Variants in CNTNAP5 observed in about 807,000 individuals in gnomAD.
The protein encoded by CNTNAP5 is contactin-associated protein-like 5.
CNTNAP5 carries 72 observed loss-of-function variants against 150.2 expected under a neutral mutation model. That is an observed-to-expected ratio of 0.48 (90% CI 0.40 to 0.58). The LOEUF (loss-of-function observed/expected upper bound fraction) is 0.58. CNTNAP5 is among the 20% of genes least tolerant of loss of function. The pLI is 0.00. For synonymous variants in CNTNAP5, 672 were observed against 619.8 expected, an observed-to-expected ratio of 1.08 and a Z score of -1.25; for missense variants, 1,636 against 1,626.2, an observed-to-expected ratio of 1.01 and a Z score of -0.10.
intron 1 of CNTNAP5, among the ~76,000 whole-genome samples, chr2:124,070,051 T>G (rs1441471158): frequency 2.6e-5 from 4 of 152,108 alleles, no homozygotes; most frequent in Non-Finnish European, 5.9e-5. Flanking sequence ...GTGGGTAAAG[T>G]TAAAATGCTC....
At chr2:124,198,651 T>G (rs1041524960) in intron 1 of CNTNAP5, among the ~76,000 whole-genome samples, 1 of 152,144 alleles carries the variant, frequency 6.6e-6, no homozygotes, top group Non-Finnish European at 1.5e-5. Context: ...AATTTTTACA[T>G]AGGGGAATTA....
chr2:124,875,295 G>A (rs1677830984), intron 21 of CNTNAP5, among the ~76,000 whole-genome samples: 2 of 152,078 alleles, frequency 1.3e-5, no homozygotes, highest in South Asian at 4.1e-4. Context: ...TAAAAGGTGT[G>A]TACTTCAAAA....
At chr2:124,453,974 A>G (rs767930150) in intron 6 of CNTNAP5, among the ~76,000 whole-genome samples, 1 of 152,166 alleles carries the variant, frequency 6.6e-6, no homozygotes, top group Non-Finnish European at 1.5e-5. Flanking sequence ...CAAAAAATAC[A>G]ATTGAAAAAA....
chr2:124,416,043 GT>G (rs991335431), intron 3 of CNTNAP5, among the ~76,000 whole-genome samples: 2 of 151,178 alleles, frequency 1.3e-5, no homozygotes, highest in Non-Finnish European at 3.0e-5. Flanking sequence ...TTAATTTTTA[GT>G]TTTTTTTTCT....
intron 13 of CNTNAP5, among the ~76,000 whole-genome samples, chr2:124,738,543 G>T (rs193258709): frequency 6.6e-6 from 1 of 152,120 alleles, no homozygotes; most frequent in East Asian, 1.9e-4. Flanking sequence ...GACCAGGCTG[G>T]CCAACATGGT....
chr2:124,420,145 C>T (rs1422896238), intron 4 of CNTNAP5, among the ~76,000 whole-genome samples: 7 of 151,542 alleles, frequency 4.6e-5, no homozygotes, highest in Non-Finnish European at 8.8e-5. Flanking sequence ...CGTGCACCAC[C>T]ATGTCTGGCT....
At chr2:124,712,763 T>G (rs1209894921) in intron 13 of CNTNAP5, among the ~76,000 whole-genome samples, 2 of 151,814 alleles carry the variant, frequency 1.3e-5, no homozygotes, top group Non-Finnish European at 2.9e-5. Context: ...TTTTTCTTTT[T>G]AAGAGACAGG....
intron 12 of CNTNAP5, among the ~76,000 whole-genome samples, chr2:124,612,457 G>A (rs1677406903): frequency 6.6e-6 from 1 of 152,120 alleles, no homozygotes; most frequent in African/African-American, 2.4e-5. Context: ...CAAGGACTTA[G>A]AGAGTCTGAC....
chr2:124,906,809 G>A (rs1678547111), intron 22 of CNTNAP5, among the ~76,000 whole-genome samples: 1 of 151,924 alleles, frequency 6.6e-6, no homozygotes, highest in African/African-American at 2.4e-5. Flanking sequence ...ACTGTTTTAT[G>A]TTTCACCATT....
chr2:124,070,396 GAAA>G (rs70996039), intron 1 of CNTNAP5, among the ~76,000 whole-genome samples: 5 of 72,966 alleles, frequency 6.9e-5, no homozygotes, highest in African/African-American at 2.8e-4. Context: ...GCTGAATGGG[GAAA>G]AAAAAAAAAA....
chr2:124,391,828 C>A (rs1401004725), intron 3 of CNTNAP5, among the ~76,000 whole-genome samples: 1 of 152,046 alleles, frequency 6.6e-6, no homozygotes, highest in Admixed American at 6.5e-5. Context: ...CGGTGGCGGG[C>A]GCCTGTAGTC....
At chr2:124,544,135 T>C (rs1695455951) in intron 10 of CNTNAP5, among the ~76,000 whole-genome samples, 1 of 152,120 alleles carries the variant, frequency 6.6e-6, no homozygotes, top group Admixed American at 6.5e-5. Flanking sequence ...TAAAAAAAAG[T>C]GCCCTTTGAA....
chr2:124,414,633 A>G lies in CNTNAP5; in HGVS notation c.382-2810A>G, dbSNP rs556229924. Among the ~76,000 whole-genome samples, 48 of 152,248 alleles carry G rather than the reference A, an allele frequency of 3.2e-4. 2 individuals carry two copies. Among genetic ancestry groups the G allele is most frequent in the African/African-American group, 1.1e-3 (47 of 41,556 alleles). On this transcript the variant is annotated intron_variant, in intron 3 of 23. Transcript: ENST00000682447. ...ATTAGTCACGGGATTAACTCCTATA[A>G]AGCATTGCCAGGTCATGAAACAAAT...
At chr2:124,389,467 T>A (rs779693953) in intron 3 of CNTNAP5, among the ~76,000 whole-genome samples, 1 of 152,218 alleles carries the variant, frequency 6.6e-6, no homozygotes, top group Non-Finnish European at 1.5e-5. Flanking sequence ...AATATGTTTT[T>A]CCCTTTTGTT....
At chr2:124,391,677 C>T (rs1049282334) in intron 3 of CNTNAP5, among the ~76,000 whole-genome samples, 8 of 152,170 alleles carry the variant, frequency 5.3e-5, no homozygotes, top group African/African-American at 1.9e-4. Context: ...AAAGGGAGGC[C>T]GGGCGTGCTG....
At chr2:124,036,524 C>T (rs186412505) in intron 1 of CNTNAP5, among the ~76,000 whole-genome samples, 85 of 152,126 alleles carry the variant, frequency 5.6e-4, no homozygotes, top group Middle Eastern at 3.4e-3. Flanking sequence ...AGGGCAGATG[C>T]TTTCTGATAG....
intron 1 of CNTNAP5, among the ~76,000 whole-genome samples, chr2:124,066,621 GC>G (rs1404110485): frequency 6.6e-6 from 1 of 151,506 alleles, no homozygotes; most frequent in African/African-American, 2.4e-5. Context: ...TCCTGAAAGT[GC>G]TTCTAACTGG....
chr2:124,607,129 A>G (rs140463688), intron 11 of CNTNAP5, among the ~76,000 whole-genome samples: 55 of 152,256 alleles, frequency 3.6e-4, no homozygotes, highest in African/African-American at 1.3e-3. Flanking sequence ...TTAGCTACCT[A>G]TTGTAATGAA....
intron 3 of CNTNAP5, among the ~76,000 whole-genome samples, chr2:124,279,224 AGTGTGTGTGT>A (rs10564494): frequency 6.7e-6 from 1 of 150,056 alleles, no homozygotes; most frequent in Non-Finnish European, 1.5e-5. Flanking sequence ...AACTGTAGGA[AGTGTGTGTGT>A]GTGTGTGTGT....
Sources: gnomAD v4.1 joint callset for allele counts (sites outside exome capture counted in the v4.1 genomes callset) on GRCh38, gnomAD v4.1.1 for gene constraint, MANE v1.5 for transcripts, NCBI Gene and HGNC (gene_info 2026-07-23, HGNC 2026-07-21) for gene names.